EEFSEC: variants seen among roughly 807,000 people sequenced by gnomAD.
EEFSEC encodes the protein eukaryotic elongation factor, selenocysteine-tRNA specific.
EEFSEC carries 43 observed loss-of-function variants against 42.1 expected under a neutral mutation model. That is an observed-to-expected ratio of 1.02 (90% CI 0.80 to 1.32). EEFSEC has a LOEUF of 1.32. EEFSEC is among the 40% of genes most tolerant of loss of function. EEFSEC has a pLI of 0.00. For synonymous variants in EEFSEC, 354 were observed against 339.1 expected (o/e 1.04, Z -0.48); for missense variants, 745 against 803.6 (o/e 0.93, Z 0.88).
At chr3:128,329,322 T>C (rs1018947692) in intron 4 of EEFSEC, among the ~76,000 whole-genome samples, 1 of 152,068 alleles carries the variant, frequency 6.6e-6, no homozygotes, top group Non-Finnish European at 1.5e-5. Context: ...ACAGCTGCAC[T>C]GGGGTGCAGG....
chr3:128,251,529 A>G (rs1198746464), intron 2 of EEFSEC, among the ~76,000 whole-genome samples: 1 of 152,108 alleles, frequency 6.6e-6, no homozygotes, highest in Non-Finnish European at 1.5e-5. Context: ...TAGAAATGGT[A>G]TTTTGTTCTT....
At chr3:128,421,989 G>A in the EEFSEC span, among the ~76,000 whole-genome samples, 1 of 152,162 alleles carries the variant, frequency 6.6e-6, no homozygotes, top group Non-Finnish European at 1.5e-5. Context: ...TCTCATACAG[G>A]TGGTTTGTGG....
At chr3:128,425,318 G>A in the EEFSEC span, among the ~76,000 whole-genome samples, 1 of 152,200 alleles carries the variant, frequency 6.6e-6, no homozygotes, top group African/African-American at 2.4e-5. Context: ...TGGGATTCAT[G>A]CTTGTGGCTG....
At chr3:128,260,415 C>T (rs971648468) in intron 2 of EEFSEC, among the ~76,000 whole-genome samples, 3 of 152,134 alleles carry the variant, frequency 2.0e-5, no homozygotes, top group Admixed American at 6.6e-5. Context: ...AAGTTTTTGG[C>T]TATTAAATAT....
chr3:128,255,187 G>A (rs2066228964), intron 2 of EEFSEC, among the ~76,000 whole-genome samples: 1 of 152,094 alleles, frequency 6.6e-6, no homozygotes, highest in East Asian at 1.9e-4. Flanking sequence ...TCAGTATGCA[G>A]GGGAAGAGTT....
At chr3:128,221,777 A>T (rs996801970) in intron 1 of EEFSEC, among the ~76,000 whole-genome samples, 2 of 152,252 alleles carry the variant, frequency 1.3e-5, no homozygotes, top group African/African-American at 2.4e-5. Flanking sequence ...ACTAGAAACC[A>T]TAAAACAATC....
In EEFSEC at chr3:128,168,791, TACTC is replaced by T. The variant is rs2065266462; in HGVS notation, c.316+14969_316+14972del. Among the ~76,000 whole-genome samples, 22 of 151,782 alleles carry T rather than the reference TACTC, an allele frequency of 1.4e-4. 1 individual carries two copies. In the South Asian group the frequency reaches 4.6e-3, roughly 31 times the overall value. On this transcript the variant is annotated intron_variant, in intron 1 of 6. Transcript: ENST00000254730. ...GCATCTCCTTGCTGGTTCTGTCACT[TACTC>T]TTTGCGACAGGTTGAGAGTTGTTTG...
intron 1 of EEFSEC, among the ~76,000 whole-genome samples, chr3:128,231,287 A>G (rs183031311): frequency 1.7e-3 from 261 of 152,346 alleles, no homozygotes; most frequent in Admixed American, 4.0e-3. Context: ...TTCACAATGG[A>G]AATCACATTG....
chr3:128,351,976 A>G (rs910914705), intron 5 of EEFSEC, among the ~76,000 whole-genome samples: 1 of 152,234 alleles, frequency 6.6e-6, no homozygotes, highest in Non-Finnish European at 1.5e-5. Context: ...TGACGTCACA[A>G]TGATTGATTT....
At chr3:128,365,932 C>G (rs937171925) in intron 6 of EEFSEC, among the ~76,000 whole-genome samples, 10 of 152,224 alleles carry the variant, frequency 6.6e-5, no homozygotes, top group Non-Finnish European at 8.8e-5. Flanking sequence ...GCCAATGTCT[C>G]TCCCGGGACC....
intron 4 of EEFSEC, among the ~76,000 whole-genome samples, chr3:128,275,831 C>T (rs2066462505): frequency 6.6e-6 from 1 of 152,210 alleles, no homozygotes; most frequent in Non-Finnish European, 1.5e-5. Flanking sequence ...TGGTTGTGGT[C>T]ATCTCTGAAA....
chr3:128,330,029 G>A (rs539506086), intron 4 of EEFSEC, among the ~76,000 whole-genome samples: 1 of 152,308 alleles, frequency 6.6e-6, no homozygotes, highest in South Asian at 2.1e-4. Flanking sequence ...TACCTCCCAA[G>A]GATTCCTTAC....
At chr3:128,355,126 CAGTG>C (rs2067436179) in intron 5 of EEFSEC, among the ~76,000 whole-genome samples, 1 of 152,200 alleles carries the variant, frequency 6.6e-6, no homozygotes, top group Non-Finnish European at 1.5e-5. Flanking sequence ...TCCTCACACT[CAGTG>C]AGCGCCTGTT....
intron 6 of EEFSEC, among the ~76,000 whole-genome samples, chr3:128,377,133 C>T (rs2067718885): frequency 6.6e-6 from 1 of 152,180 alleles, no homozygotes. Flanking sequence ...CCCATAGTCC[C>T]ATTATTAATA....
intron 4 of EEFSEC, among the ~76,000 whole-genome samples, chr3:128,274,547 C>T (rs1246299317): frequency 2.0e-5 from 3 of 152,176 alleles, no homozygotes; most frequent in Admixed American, 6.5e-5. Flanking sequence ...GAGCCTAGGT[C>T]GGTGTGGGCC....
chr3:128,401,175 C>A (rs2068044390), intron 6 of EEFSEC, among the ~76,000 whole-genome samples: 1 of 152,192 alleles, frequency 6.6e-6, no homozygotes, highest in Non-Finnish European at 1.5e-5. Context: ...GCCAGGTCAG[C>A]CTGAGACCCG....
At chr3:128,405,993 C>T (rs951112846) in intron 6 of EEFSEC, among the ~76,000 whole-genome samples, 1 of 152,250 alleles carries the variant, frequency 6.6e-6, no homozygotes, top group Admixed American at 6.5e-5. Flanking sequence ...GAGCCACCAC[C>T]CACTGGGGCT....
chr3:128,237,238 T>C (rs1221647255), intron 1 of EEFSEC, among the ~76,000 whole-genome samples: 1 of 152,250 alleles, frequency 6.6e-6, no homozygotes, highest in African/African-American at 2.4e-5. Context: ...GATATTTGGT[T>C]ATTATATTGT....
intron 4 of EEFSEC, among the ~76,000 whole-genome samples, chr3:128,271,303 G>A (rs1321837390): frequency 6.6e-6 from 1 of 152,236 alleles, no homozygotes; most frequent in Non-Finnish European, 1.5e-5. Flanking sequence ...CGAGGCTGCA[G>A]AGCTGGCTTT....
Sources: allele counts gnomAD v4.1 joint callset (sites outside exome capture counted in the v4.1 genomes callset), GRCh38; gene constraint gnomAD v4.1.1; transcripts MANE v1.5; gene names NCBI Gene and HGNC (gene_info 2026-07-23, HGNC 2026-07-21).